PARD3B: variants seen among roughly 807,000 people sequenced by gnomAD.
PARD3B encodes partitioning defective 3 homolog B.
PARD3B carries 103 observed loss-of-function variants against 130.2 expected under a neutral mutation model. That is an observed-to-expected ratio of 0.79 (90% CI 0.67 to 0.93). The LOEUF (loss-of-function observed/expected upper bound fraction) is 0.93, where lower values mean the gene tolerates loss of function less well. PARD3B is among the 40% of genes least tolerant of loss of function. PARD3B has a pLI of 0.00. For missense variants in PARD3B, 1,609 were observed against 1,499.2 expected (o/e 1.07, Z -1.21); for synonymous variants, 583 against 553.2 (o/e 1.05, Z -0.76).
chr2:205,432,560 C>T (rs2047375266), intron 19 of PARD3B, among the ~76,000 whole-genome samples: 1 of 152,198 alleles, frequency 6.6e-6, no homozygotes, highest in South Asian at 2.1e-4. Context: ...CTGGAACACT[C>T]TTCTCCTGTT....
Position 204,690,146 on chromosome 2 carries a change from C to G in PARD3B, c.222+3864C>G, listed in dbSNP as rs183569527. ...TTTTGCATCCTCTTTTCTCTAGGAC[C>G]CAGATTATTTGATTTAGATACAGTT... On this transcript the variant is annotated intron_variant, in intron 2 of 22. Transcript: ENST00000406610. Among the ~76,000 whole-genome samples the G allele has an allele frequency of 3.3e-5, 5 of 152,156 alleles. No homozygotes were observed. In the East Asian group the frequency reaches 9.7e-4, roughly 29 times the overall value.
At chr2:205,148,404 G>A (rs2033518934) in intron 10 of PARD3B, among the ~76,000 whole-genome samples, 1 of 152,070 alleles carries the variant, frequency 6.6e-6, no homozygotes, top group Non-Finnish European at 1.5e-5. Context: ...CCTCCCTGCT[G>A]TTGAAATGAG....
chr2:205,210,552 A>G (rs2037573474), intron 15 of PARD3B, among the ~76,000 whole-genome samples: 1 of 152,068 alleles, frequency 6.6e-6, no homozygotes, highest in African/African-American at 2.4e-5. Flanking sequence ...TAGTACATCA[A>G]CCTTTGTAAA....
At chr2:204,985,271 C>A (rs902658123) in intron 3 of PARD3B, among the ~76,000 whole-genome samples, 33 of 151,968 alleles carry the variant, frequency 2.2e-4, no homozygotes, top group African/African-American at 8.0e-4. Flanking sequence ...CATTAAAGCC[C>A]AAACAACAAA....
intron 14 of PARD3B, among the ~76,000 whole-genome samples, chr2:205,186,616 G>GT (rs1006743754): frequency 6.6e-6 from 1 of 152,080 alleles, no homozygotes. Flanking sequence ...TTCCTATTAT[G>GT]TTTTTTAATA....
intron 12 of PARD3B, among the ~76,000 whole-genome samples, chr2:205,174,956 A>G (rs866423698): frequency 5.3e-5 from 8 of 152,324 alleles, no homozygotes; most frequent in Middle Eastern, 3.4e-3. Flanking sequence ...GAGACTTGGT[A>G]TTAAAAAATG....
At chr2:204,981,832 G>A (rs1368783332) in intron 3 of PARD3B, among the ~76,000 whole-genome samples, 1 of 152,106 alleles carries the variant, frequency 6.6e-6, no homozygotes, top group Non-Finnish European at 1.5e-5. Flanking sequence ...TGGCATTTGA[G>A]GAAAACTGGA....
At chr2:204,991,066 G>C (rs1362712137) in intron 3 of PARD3B, among the ~76,000 whole-genome samples, 2 of 150,810 alleles carry the variant, frequency 1.3e-5, no homozygotes, top group African/African-American at 2.5e-5. Flanking sequence ...TATTTCAGTT[G>C]TCATTCTTTT....
intron 3 of PARD3B, among the ~76,000 whole-genome samples, chr2:204,997,863 T>C (rs1039246172): frequency 9.4e-5 from 14 of 149,532 alleles, no homozygotes; most frequent in African/African-American, 3.4e-4. Flanking sequence ...TTTATACTTG[T>C]ATACACATCT....
intron 20 of PARD3B, among the ~76,000 whole-genome samples, chr2:205,464,477 T>C (rs1227416701): frequency 6.6e-6 from 1 of 152,120 alleles, no homozygotes; most frequent in Admixed American, 6.6e-5. Context: ...ACAAGTAAGT[T>C]GCAGCCACAG....
chr2:205,435,437 A>G (rs934160151), intron 19 of PARD3B, among the ~76,000 whole-genome samples: 3 of 152,064 alleles, frequency 2.0e-5, no homozygotes, highest in African/African-American at 7.2e-5. Flanking sequence ...TATAATAAAG[A>G]AATTTATTCC....
chr2:204,806,151 T>A (rs1387617714), intron 2 of PARD3B, among the ~76,000 whole-genome samples: 1 of 151,910 alleles, frequency 6.6e-6, no homozygotes, highest in African/African-American at 2.4e-5. Context: ...CTAAAATTCA[T>A]GTGGAACCAC....
At chr2:205,004,145 G>A (rs189020445) in intron 3 of PARD3B, among the ~76,000 whole-genome samples, 2 of 152,222 alleles carry the variant, frequency 1.3e-5, no homozygotes, top group Admixed American at 6.5e-5. Context: ...CAGAGTTGGG[G>A]TATCACTATA....
At chr2:205,252,455 G>C (rs539624899) in intron 16 of PARD3B, among the ~76,000 whole-genome samples, 1 of 152,224 alleles carries the variant, frequency 6.6e-6, no homozygotes, top group South Asian at 2.1e-4. Flanking sequence ...AGGAAATATT[G>C]CTTAATTCCA....
intron 2 of PARD3B, among the ~76,000 whole-genome samples, chr2:204,687,023 A>G (rs2037116894): frequency 6.6e-6 from 1 of 152,140 alleles, no homozygotes; most frequent in Admixed American, 6.5e-5. Flanking sequence ...TCTAGCTTTC[A>G]AAGTTTCTTC....
chr2:205,140,639 G>A lies in PARD3B; in HGVS notation c.1434+14902G>A, dbSNP rs549249319. Reference sequence around the variant, plus strand: ...TAATGTTTCTTAAGAAGTAGCAGTTGATTTTTCTAATAGATATTTTTGTTC... The same window carrying A: ...TAATGTTTCTTAAGAAGTAGCAGTTAATTTTTCTAATAGATATTTTTGTTC... On this transcript the variant is annotated intron_variant, in intron 10 of 22. Transcript: ENST00000406610. Among the ~76,000 whole-genome samples, 6 of 152,114 alleles carry A rather than the reference G, an allele frequency of 3.9e-5. No homozygotes were observed. In the South Asian group the frequency reaches 1.2e-3, roughly 32 times the overall value.
At chr2:205,556,164 A>T (rs2052875260) in intron 22 of PARD3B, among the ~76,000 whole-genome samples, 2 of 152,130 alleles carry the variant, frequency 1.3e-5, no homozygotes. Flanking sequence ...GGAGCTTTGA[A>T]ATATTTATGG....
chr2:205,606,522 C>T (rs2055005726), intron 22 of PARD3B, among the ~76,000 whole-genome samples: 1 of 152,018 alleles, frequency 6.6e-6, no homozygotes, highest in Non-Finnish European at 1.5e-5. Flanking sequence ...TCAGTGGGAG[C>T]CTCCGACCAC....
chr2:204,974,959 G>T (rs1443761614), intron 3 of PARD3B, among the ~76,000 whole-genome samples: 1 of 152,186 alleles, frequency 6.6e-6, no homozygotes, highest in African/African-American at 2.4e-5. Context: ...CAAGTAGCTT[G>T]CAATCAAGTT....
Sources: gnomAD v4.1 joint callset for allele counts (sites outside exome capture counted in the v4.1 genomes callset) on GRCh38, gnomAD v4.1.1 for gene constraint, MANE v1.5 for transcripts, NCBI Gene and HGNC (gene_info 2026-07-23, HGNC 2026-07-21) for gene names.